VPS13C: variants seen among roughly 807,000 people sequenced by gnomAD.
VPS13C encodes the protein vacuolar protein sorting 13 homolog C.
A neutral mutation model predicts 456.8 loss-of-function variants in VPS13C; 358 were observed. That is an observed-to-expected ratio of 0.78 (90% CI 0.72 to 0.86). VPS13C has a LOEUF of 0.86. Ranked by LOEUF, VPS13C falls within the 40% of genes least tolerant of loss-of-function variation. The pLI, the probability that VPS13C is intolerant of heterozygous loss-of-function variation, is 0.00. For missense variants in VPS13C, 4,818 were observed against 4,385.4 expected, an observed-to-expected ratio of 1.10 and a Z score of -2.79; for synonymous variants, 1,578 against 1,486.7, an observed-to-expected ratio of 1.06 and a Z score of -1.41.
chr15:61,853,637 C>G lies in VPS13C; in HGVS notation c.*820G>C, dbSNP rs538562335. 1 of 152,268 alleles carries G rather than the reference C, an allele frequency of 6.6e-6. No individual in the cohort carries two copies. Among genetic ancestry groups the G allele is most frequent in the African/African-American group, 2.4e-5 (1 of 41,548 alleles). 9.4% of individuals were successfully genotyped at this position (152,268 alleles called of 1,614,324 possible). A position where few individuals can be genotyped will look rare whatever the true frequency, so the allele number is the denominator to read the frequency against. On this transcript the variant is annotated 3_prime_UTR_variant, in exon 85 of 85. Coordinates refer to ENST00000644861, the MANE Select transcript of VPS13C (RefSeq NM_020821.3). ...AACATGTCATTTCTCCCTTTAGTGACCTTTCTTCATTCAATTACCTGGTTT... is the reference window on the plus strand; with the variant it reads ...AACATGTCATTTCTCCCTTTAGTGAGCTTTCTTCATTCAATTACCTGGTTT...
rs754771285 is a variant in VPS13C, at chr15:61,919,330, T to C, written c.7597A>G (p.Thr2533Ala). 1.2e-6 allele frequency: 2 copies of C among 1,606,840 alleles called. No homozygotes were observed. The highest frequency in any genetic ancestry group is 2.3e-5 in the East Asian group (1 of 44,398). Residue 2533 changes from threonine to alanine, a missense_variant, in exon 58 of 85, where the codon ACT becomes GCT. Physicochemically the swap from Thr to Ala is moderately conservative, Grantham distance 58 (BLOSUM62 0). This residue lies in a region of VPS13C where 4,552 missense variants were observed against 4,130.6 expected (regional missense o/e 1.10). Coordinates refer to ENST00000644861, the MANE Select transcript of VPS13C (RefSeq NM_020821.3). The part of the protein sequence containing the change: ...SDSVLVQIDA[T>A]EGNKVITLRS... ...AGGGTAATTACTTTATTCCCTTCAG[T>C]TGCATCAATTTGTACCAAGACAGAG...
Position 61,979,624 on chromosome 15 carries a change from G to A in VPS13C, c.2167-875C>T, listed in dbSNP as rs188865182. 9.7e-4 allele frequency among the ~76,000 whole-genome samples: 147 copies of A among 152,278 alleles called. 1 individual carries two copies. The highest frequency in any genetic ancestry group is 3.5e-3 in the African/African-American group (144 of 41,566). On this transcript the variant is annotated intron_variant, in intron 22 of 84. Transcript: ENST00000644861. ...ACAGTGGCAGACCACATCAATTTGC[G>A]AAGAAAAACTTAATCTTGTTCATTC...
Position 61,874,865 on chromosome 15 carries a change from G to C in VPS13C, c.10414+11C>G. 12 of 1,570,462 alleles carry C rather than the reference G, an allele frequency of 7.6e-6. No individual in the cohort carries two copies. Among genetic ancestry groups the C allele is most frequent in the Non-Finnish European group, 9.5e-6 (11 of 1,162,580 alleles). On this transcript the variant is annotated intron_variant, in intron 77 of 84. Transcript: ENST00000644861. ...AAAATATACACATATACACAAATAT[G>C]TGATACATACCTACTGTGTGTCCAA... is the stretch of plus-strand genomic sequence containing the variant.
At chr15:61,969,481 GA>G in intron 27 of VPS13C, 29 bp from the exon 28 acceptor site, 1 of 1,451,798 alleles carries the variant, frequency 6.9e-7, no homozygotes, top group East Asian at 2.4e-5. Flanking sequence ...ATGAAAAGTT[GA>G]TAAGAAGTCT....
chr15:61,864,258 AATTT>A, intron 81 of VPS13C: 1 of 782,390 alleles, frequency 1.3e-6, no homozygotes, highest in Non-Finnish European at 1.6e-6. Context: ...TAGCTGGCAC[AATTT>A]ATTTCTAAAA....
chr15:61,924,654 A>G (rs1260338358), intron 53 of VPS13C, among the ~76,000 whole-genome samples: 2 of 152,222 alleles, frequency 1.3e-5, no homozygotes, highest in East Asian at 3.8e-4. Context: ...TCCATTAACA[A>G]TATACATTCT....
chr15:61,907,501 T>C, intron 65 of VPS13C, 111 bp from the exon 66 acceptor site: 1 of 1,358,098 alleles, frequency 7.4e-7, no homozygotes, highest in Middle Eastern at 1.9e-4. Context: ...ATTGCTGTGG[T>C]TAATAAAACA....
chr15:61,983,677 C>T, intron 20 of VPS13C, 143 bp downstream of exon 20: 1 of 915,190 alleles, frequency 1.1e-6, no homozygotes. Context: ...TGAACATATA[C>T]TGCTTTTGAA....
chr15:61,964,863 T>TA lies in VPS13C; in HGVS notation c.3052-3dup. The TA allele has an allele frequency of 1.2e-5, 19 of 1,595,696 alleles. No homozygotes were observed. The highest frequency in any genetic ancestry group is 1.6e-5 in the Non-Finnish European group (19 of 1,174,206). The stretch of plus-strand genomic sequence containing the variant: ...CAGATTTAAAGATGAAAAGGCCACC[T>TA]AAAAATGTTTTAAAGAGAAAATTAG... On this transcript the variant is annotated splice_region_variant and splice_polypyrimidine_tract_variant and intron_variant, in intron 30 of 84. Coordinates refer to ENST00000644861, the MANE Select transcript of VPS13C (RefSeq NM_020821.3).
In VPS13C at chr15:61,954,484, A is replaced by C; in HGVS notation, c.4236T>G (p.Thr1412=). Residue 1412 remains threonine (T), a synonymous_variant, in exon 38 of 85, where the codon ACT becomes ACG. Coordinates refer to ENST00000644861, the MANE Select transcript of VPS13C (RefSeq NM_020821.3). ...DVHDSKNTLT[T]GVEEIRSVDI... ...CTACAGACCTAATTTCTTCCACTCC[A>C]GTTGTTAAAGTATTTTTTGAATCAT... The C allele has an allele frequency of 6.2e-7, 1 of 1,609,858 alleles. No individual in the cohort carries two copies.
chr15:61,906,569 TA>T, intron 66 of VPS13C: 1 of 152,530 alleles, frequency 6.6e-6, no homozygotes. Flanking sequence ...ATTACCATTT[TA>T]AAGCAAAAGT....
At chr15:62,007,167 G>T in intron 15 of VPS13C, 141 bp downstream of exon 15, 1 of 751,546 alleles carries the variant, frequency 1.3e-6, no homozygotes, top group Non-Finnish European at 1.8e-6. Flanking sequence ...AAAAAATTCT[G>T]CATTTTCCCA....
chr15:62,023,604 C>A, intron 7 of VPS13C, 84 bp from the exon 8 acceptor site: 1 of 1,166,350 alleles, frequency 8.6e-7, no homozygotes, highest in Non-Finnish European at 1.2e-6. Context: ...AGCTAAGGTA[C>A]TACTCAATGG....
chr15:61,951,422 T>C (rs568678277), intron 39 of VPS13C, among the ~76,000 whole-genome samples: 4 of 152,228 alleles, frequency 2.6e-5, no homozygotes, highest in Non-Finnish European at 5.9e-5. Flanking sequence ...GTTAGCTTAT[T>C]GCAGAAACTT....
chr15:61,929,859 G>T (rs1216534568), intron 50 of VPS13C, 111 bp from the exon 51 acceptor site: 1 of 1,131,760 alleles, frequency 8.8e-7, no homozygotes, highest in South Asian at 1.7e-5. Context: ...TTTCTAATCT[G>T]TATAGAAAAC....
intron 66 of VPS13C, among the ~76,000 whole-genome samples, chr15:61,906,020 C>G (rs1469071464): frequency 6.6e-6 from 1 of 152,080 alleles, no homozygotes; most frequent in East Asian, 1.9e-4. Context: ...GGTATAACTA[C>G]CTTCTGAATC....
In VPS13C at chr15:61,858,586, T is replaced by C. The variant is rs1417600521; in HGVS notation, c.10953-2177A>G. Among the ~76,000 whole-genome samples the C allele has an allele frequency of 7.2e-5, 11 of 152,166 alleles. No homozygotes were observed. The highest frequency in any genetic ancestry group is 1.5e-4 in the Non-Finnish European group (10 of 68,018). Reference sequence around the variant, plus strand: ...TGTATAGTGCCCTGGACTTTGAATATAATGGATTTTACTTCCAAGATTAGG... The same window carrying C: ...TGTATAGTGCCCTGGACTTTGAATACAATGGATTTTACTTCCAAGATTAGG... On this transcript the variant is annotated intron_variant, in intron 82 of 84. Coordinates refer to ENST00000644861, the MANE Select transcript of VPS13C (RefSeq NM_020821.3). This position sits in a 1 kb window ranked among gnomAD's most constrained non-coding sequence, Gnocchi z 4.4.
intron 65 of VPS13C, among the ~76,000 whole-genome samples, chr15:61,908,450 C>T (rs527914203): frequency 7.9e-5 from 12 of 151,960 alleles, no homozygotes; most frequent in African/African-American, 2.9e-4. Flanking sequence ...TCATCCAAAA[C>T]AAATGACAGC....
chr15:61,990,935 C>A, intron 18 of VPS13C, 65 bp downstream of exon 18: 1 of 1,080,022 alleles, frequency 9.3e-7, no homozygotes, highest in Non-Finnish European at 1.4e-6. Flanking sequence ...ATCAGTAAGT[C>A]TAATCCAATT....
Sources: allele counts gnomAD v4.1 joint callset (sites outside exome capture counted in the v4.1 genomes callset), GRCh38; gene constraint gnomAD v4.1.1; regional missense constraint gnomAD v4.1.1; non-coding constraint Gnocchi (gnomAD v3.1); transcripts MANE v1.5; gene names NCBI Gene and HGNC (gene_info 2026-07-23, HGNC 2026-07-21).